Variants in ANKRD46 observed in about 807,000 individuals in gnomAD.
ANKRD46 encodes the protein ankyrin repeat domain-containing protein 46.
In ANKRD46, 13 loss-of-function variants were observed where a neutral mutation model predicts 19.8. That is an observed-to-expected ratio of 0.66 (90% CI 0.43 to 1.04). ANKRD46 has a LOEUF of 1.04. ANKRD46 is among the 50% of genes least tolerant of loss of function. ANKRD46 has a pLI of 0.00. For synonymous variants in ANKRD46, 91 were observed against 106.9 expected, an observed-to-expected ratio of 0.85 and a Z score of 0.92; for missense variants, 185 against 274.8, an observed-to-expected ratio of 0.67 and a Z score of 2.31.
downstream of ANKRD46, among the ~76,000 whole-genome samples, chr8:100,518,601 C>G (rs1793595457): frequency 6.6e-6 from 1 of 152,122 alleles, no homozygotes; most frequent in African/African-American, 2.4e-5. Flanking sequence ...CCTGTAATCC[C>G]AGCACTTTGG....
chr8:100,512,354 G>A (rs1811561147), intron 5 of ANKRD46, among the ~76,000 whole-genome samples: 1 of 152,206 alleles, frequency 6.6e-6, no homozygotes. Context: ...TATAGAATTA[G>A]AAATAAGATA....
At chr8:100,512,648 AT>A (rs1057103669) in intron 5 of ANKRD46, among the ~76,000 whole-genome samples, 5 of 152,234 alleles carry the variant, frequency 3.3e-5, no homozygotes, top group African/African-American at 1.2e-4. Context: ...ACAGAAAAAA[AT>A]CTCAACCAGA....
intron 1 of ANKRD46, among the ~76,000 whole-genome samples, chr8:100,535,627 A>C (rs1812050878): frequency 6.6e-6 from 1 of 152,202 alleles, no homozygotes; most frequent in African/African-American, 2.4e-5. Flanking sequence ...TCATTTCAAG[A>C]ATGTTGTATA....
In ANKRD46 at chr8:100,559,757, G is replaced by T; in HGVS notation, c.-177C>A. 1 of 152,894 alleles carries T rather than the reference G, an allele frequency of 6.5e-6. No homozygotes were observed. Among genetic ancestry groups the T allele is most frequent in the Non-Finnish European group, 1.5e-5 (1 of 68,450 alleles). The allele number at this position is 152,894 out of a possible 1,614,324, so 9.5% of individuals were successfully genotyped here. Reference sequence around the variant, plus strand: ...GCGACAGCGGCAGCTTCAAGGAGGCGGTGACGGGCGGAGGGGAGGGGCCAG... The same window carrying T: ...GCGACAGCGGCAGCTTCAAGGAGGCTGTGACGGGCGGAGGGGAGGGGCCAG... On this transcript the variant is annotated 5_prime_UTR_variant, in exon 1 of 5. Coordinates refer to ENST00000335659, the MANE Select transcript of ANKRD46 (RefSeq NM_001270377.2). The surrounding 1 kb of genome is among the most constrained non-coding windows in gnomAD (Gnocchi z 6.0).
chr8:100,522,660 T>C lies in ANKRD46; in HGVS notation c.582A>G (p.Arg194=). ...QEFVEDLGFW[R]VLLLIFVIAL... is the part of the protein sequence containing the mutation. ...CAATGACGAAGATCAACAGCAATAC[T>C]CTCCAGAAGCCCAGATCCTCCACAA... The change falls in exon 5 of 5, where the codon AGA becomes AGG. Residue 194 remains arginine, a synonymous_variant. Coordinates refer to ENST00000335659, the MANE Select transcript of ANKRD46 (RefSeq NM_001270377.2). The C allele has an allele frequency of 6.2e-7, 1 of 1,613,970 alleles. No individual in the cohort carries two copies. The highest frequency in any genetic ancestry group is 8.5e-7 in the Non-Finnish European group (1 of 1,180,006).
Position 100,545,453 on chromosome 8 carries a change from T to C in ANKRD46, c.-130-12142A>G, listed in dbSNP as rs530763420. Among the ~76,000 whole-genome samples the C allele has an allele frequency of 6.6e-6, 1 of 152,312 alleles. No individual in the cohort carries two copies. The highest frequency in any genetic ancestry group is 2.1e-4 in the South Asian group (1 of 4,824). ...CATTCTCTCTTGCCGCCATGTAAGA[T>C]GTTCCTTGCTTCCCCATAACCTTCC... On this transcript the variant is annotated intron_variant, in intron 1 of 4. Transcript: ENST00000335659. The surrounding 1 kb of genome is among the most constrained non-coding windows in gnomAD (Gnocchi z 4.7).
At chr8:100,548,900 A>G (rs1260889533) in intron 1 of ANKRD46, among the ~76,000 whole-genome samples, 1 of 152,244 alleles carries the variant, frequency 6.6e-6, no homozygotes, top group African/African-American at 2.4e-5. Context: ...AGGAATATTT[A>G]GAAATAATAA....
chr8:100,518,859 A>T (rs1011569717), downstream of ANKRD46, among the ~76,000 whole-genome samples: 2 of 126,524 alleles, frequency 1.6e-5, no homozygotes, highest in African/African-American at 2.9e-5. Flanking sequence ...CTCAAAAAAA[A>T]AAAATAAATA....
intron 1 of ANKRD46, among the ~76,000 whole-genome samples, chr8:100,556,394 T>C (rs1812501095): frequency 6.6e-6 from 1 of 152,208 alleles, no homozygotes; most frequent in Non-Finnish European, 1.5e-5. Flanking sequence ...GAAAGTTAAG[T>C]ATACATTATT....
rs1228406678 is a variant in ANKRD46, at chr8:100,557,075, A to G, written c.-131+2636T>C. Among the ~76,000 whole-genome samples the G allele has an allele frequency of 1.3e-5, 2 of 152,130 alleles. No homozygotes were observed. Among genetic ancestry groups the G allele is most frequent in the Admixed American group, 1.3e-4 (2 of 15,278 alleles). On this transcript the variant is annotated intron_variant, in intron 1 of 4. Coordinates refer to ENST00000335659, the MANE Select transcript of ANKRD46 (RefSeq NM_001270377.2). This position sits in a 1 kb window ranked among gnomAD's most constrained non-coding sequence, Gnocchi z 5.9. ...ATGAGCTTAAAAAAAAATACAATCA[A>G]TCTCATAATGTTTTAAGTAAGTTTA...
rs1268237009 is a variant in ANKRD46, at chr8:100,555,705, T to C, written c.-131+4006A>G. On this transcript the variant is annotated intron_variant, in intron 1 of 4. Coordinates refer to ENST00000335659, the MANE Select transcript of ANKRD46 (RefSeq NM_001270377.2). Reference sequence around the variant, plus strand: ...CAAGAGCAAAACAAAAGGCACCAACTTAATATTTTCCTCAGCTAAAAAAAA... The same window carrying C: ...CAAGAGCAAAACAAAAGGCACCAACCTAATATTTTCCTCAGCTAAAAAAAA... 8.3e-5 allele frequency among the ~76,000 whole-genome samples: 4 copies of C among 48,278 alleles called. No individual in the cohort carries two copies. The Admixed American group carries it at 8.6e-4, about 10-fold the overall frequency. 31.7% of individuals were successfully genotyped at this position (48,278 alleles called of 152,430 possible). A position where few individuals can be genotyped will look rare whatever the true frequency, so the allele number is the denominator to read the frequency against.
chr8:100,513,225 T>C (rs377451304), intron 5 of ANKRD46, among the ~76,000 whole-genome samples: 1 of 152,186 alleles, frequency 6.6e-6, no homozygotes, highest in Non-Finnish European at 1.5e-5. Flanking sequence ...GGGTCTTCCT[T>C]CAAAGAAGCA....
rs1465117954 is a variant in ANKRD46 at position 100,527,813 on chromosome 8, C to T, written c.470+32G>A. ...CCAGGAGTTCAAGGAATGAGTAATA[C>T]AGTGAGAAAAAAAAAGTTGTATCTC... On this transcript the variant is annotated intron_variant, in intron 4 of 4. Transcript: ENST00000335659. The surrounding 1 kb of genome is among the most constrained non-coding windows in gnomAD (Gnocchi z 4.0). The T allele has an allele frequency of 1.1e-5, 18 of 1,601,276 alleles. No individual in the cohort carries two copies. Among genetic ancestry groups the T allele is most frequent in the Non-Finnish European group, 1.5e-5 (18 of 1,173,916 alleles).
rs1051472447 is a variant in ANKRD46, at chr8:100,559,348, C to T, written c.-131+363G>A. The T allele has an allele frequency of 1.3e-5, 2 of 152,464 alleles. No homozygotes were observed. The highest frequency in any genetic ancestry group is 2.9e-5 in the Non-Finnish European group (2 of 68,230). 9.4% of individuals were successfully genotyped at this position (152,464 alleles called of 1,614,324 possible). On this transcript the variant is annotated intron_variant, in intron 1 of 4. Transcript: ENST00000335659. This position sits in a 1 kb window ranked among gnomAD's most constrained non-coding sequence, Gnocchi z 6.0. The stretch of plus-strand genomic sequence containing the variant: ...CGCGAAAGCACCGTCTCGCCCCGGC[C>T]GAGCAGCTGGACCTGCGGCGTGGCT...
chr8:100,533,900 T>C (rs1812011986), intron 1 of ANKRD46, among the ~76,000 whole-genome samples: 1 of 152,234 alleles, frequency 6.6e-6, no homozygotes, highest in Non-Finnish European at 1.5e-5. Flanking sequence ...TAGTCTTCTT[T>C]ACATAGCCTG....
At position 100,550,862 on chromosome 8, in the gene ANKRD46, G is replaced by A. The variant is rs1016992852; in HGVS notation, c.-131+8849C>T. On this transcript the variant is annotated intron_variant, in intron 1 of 4. Transcript: ENST00000335659. The surrounding 1 kb of genome is among the most constrained non-coding windows in gnomAD (Gnocchi z 4.4). ...CGAAAGTGGAAGAGTGAGTGTCACTGTTAAAGTCAGAGGAAACAACCTGGT... is the reference window on the plus strand; with the variant it reads ...CGAAAGTGGAAGAGTGAGTGTCACTATTAAAGTCAGAGGAAACAACCTGGT... 6.0e-6 allele frequency: 3 copies of A among 501,972 alleles called. No homozygotes were observed. The highest frequency in any genetic ancestry group is 4.7e-5 in the Admixed American group (2 of 42,142). The allele number at this position is 501,972 out of a possible 1,614,324, so 31.1% of individuals were successfully genotyped here.
chr8:100,556,521 C>G (rs894477274), intron 1 of ANKRD46: 1 of 152,158 alleles, frequency 6.6e-6, no homozygotes, highest in Non-Finnish European at 1.5e-5. Flanking sequence ...ACTATGGGAA[C>G]GACTACAGTG....
Position 100,511,584 on chromosome 8 carries a change from A to G in ANKRD46, c.637-945T>C, listed in dbSNP as rs1188141401. ...AAATTAAATGACAAAAAAAAATCATATACACATACCTATTTTAAAAGGTTG... is the reference window on the plus strand; with the variant it reads ...AAATTAAATGACAAAAAAAAATCATGTACACATACCTATTTTAAAAGGTTG... On this transcript the variant is annotated intron_variant, in intron 5 of 5. Coordinates refer to the ANKRD46 transcript ENST00000520552. This position sits in a 1 kb window ranked among gnomAD's most constrained non-coding sequence, Gnocchi z 4.1. Among the ~76,000 whole-genome samples, 1 of 152,214 alleles carries G rather than the reference A, an allele frequency of 6.6e-6. No individual in the cohort carries two copies. The highest frequency in any genetic ancestry group is 1.5e-5 in the Non-Finnish European group (1 of 68,042).
rs1172405500 is a variant in ANKRD46, at chr8:100,557,707, G to A, written c.-131+2004C>T. On this transcript the variant is annotated intron_variant, in intron 1 of 4. Transcript: ENST00000335659. The surrounding 1 kb of genome is among the most constrained non-coding windows in gnomAD (Gnocchi z 5.9). Reference sequence around the variant, plus strand: ...CTGGCCTCCTTGCTGTTCCTCTCTTGCTGTCCCTCTAACAAGACTGAAGGG... The same window carrying A: ...CTGGCCTCCTTGCTGTTCCTCTCTTACTGTCCCTCTAACAAGACTGAAGGG... Among the ~76,000 whole-genome samples the A allele has an allele frequency of 6.6e-6, 1 of 152,082 alleles. No individual in the cohort carries two copies. Among genetic ancestry groups the A allele is most frequent in the Non-Finnish European group, 1.5e-5 (1 of 68,032 alleles).
Sources: allele counts gnomAD v4.1 joint callset (sites outside exome capture counted in the v4.1 genomes callset), GRCh38; gene constraint gnomAD v4.1.1; non-coding constraint Gnocchi (gnomAD v3.1); transcripts MANE v1.5; gene names NCBI Gene and HGNC (gene_info 2026-07-23, HGNC 2026-07-21).